Variants in ZDBF2 observed in about 807,000 individuals in gnomAD.
The protein encoded by ZDBF2 is DBF4-type zinc finger-containing protein 2.
Under a neutral mutation model 9.4 loss-of-function variants are expected in ZDBF2, and 6 were observed. That is an observed-to-expected ratio of 0.64 (90% confidence interval 0.35 to 1.27). The LOEUF (loss-of-function observed/expected upper bound fraction) is 1.27, where lower values mean the gene tolerates loss of function less well. ZDBF2 is among the 50% of genes most tolerant of loss of function. The pLI, the probability that ZDBF2 is intolerant of heterozygous loss-of-function variation, is 0.03. For missense variants in ZDBF2, 2,697 were observed against 2,766.8 expected, an observed-to-expected ratio of 0.97 and a Z score of 0.57; for synonymous variants, 905 against 946.3, an observed-to-expected ratio of 0.96 and a Z score of 0.80.
Position 206,310,907 on chromosome 2 carries a change from C to A in ZDBF2, c.6379C>A (p.Leu2127Met). Reference protein sequence around the residue: ...NSHQGTSDSSLFLEESKVLHA... With the variant: ...NSHQGTSDSSMFLEESKVLHA... Reference sequence around the variant, plus strand: ...ACATCAGGGAACCAGTGACTCTTCTCTGTTTCTGGAAGAATCAAAGGTTCT... The same window carrying A: ...ACATCAGGGAACCAGTGACTCTTCTATGTTTCTGGAAGAATCAAAGGTTCT... The change falls in exon 5 of 5, where the codon CTG (leucine) becomes ATG (methionine). Residue 2127 changes from leucine to methionine, a missense_variant. Coordinates refer to ENST00000374423, the MANE Select transcript of ZDBF2 (RefSeq NM_020923.3). 6.2e-7 allele frequency: 1 copy of A among 1,613,896 alleles called. No individual in the cohort carries two copies. Among genetic ancestry groups the A allele is most frequent in the South Asian group, 1.1e-5 (1 of 91,058 alleles).
In ZDBF2 at chr2:206,308,434, GGC is replaced by G; in HGVS notation, c.3908_3909del (p.Ala1303GlufsTer2). ...AGTCCGTAACTAATAAAATTCCAGG[GGC>G]GAATAAAGAAATAAATCTTTTGAGG... ...LQSVTNKIPG[A>X]NKEINLLREE... is the part of the protein sequence containing the mutation. On this transcript the variant is annotated frameshift_variant, in exon 5 of 5. Transcript: ENST00000374423. LOFTEE classifies it low-confidence loss of function (END_TRUNC). 1 of 1,613,274 alleles carries G rather than the reference GGC, an allele frequency of 6.2e-7. No individual in the cohort carries two copies. Among genetic ancestry groups the G allele is most frequent in the Non-Finnish European group, 8.5e-7 (1 of 1,179,612 alleles).
chr2:206,296,844 C>T (rs1430222088), intron 3 of ZDBF2, among the ~76,000 whole-genome samples: 1 of 152,134 alleles, frequency 6.6e-6, no homozygotes, highest in Non-Finnish European at 1.5e-5. Flanking sequence ...CTACCACACT[C>T]ATTTTTTCTT....
rs577685771 is a variant in ZDBF2 at position 206,314,246 on chromosome 2, T to G, written c.*2653T>G. 47 of 146,332 alleles carry G rather than the reference T, an allele frequency of 3.2e-4. No homozygotes were observed. The highest frequency in any genetic ancestry group is 6.3e-4 in the Non-Finnish European group (42 of 66,746). The allele number at this position is 146,332 out of a possible 1,614,324, so 9.1% of individuals were successfully genotyped here. ...TGTGCATTTAAATTATTTATGTAACTAGGGCTGTGAGTAACACTTTTTTTT... is the reference window on the plus strand; with the variant it reads ...TGTGCATTTAAATTATTTATGTAACGAGGGCTGTGAGTAACACTTTTTTTT... On this transcript the variant is annotated 3_prime_UTR_variant, in exon 5 of 5. Transcript: ENST00000374423.
chr2:206,291,528 G>A (rs1372284846), intron 3 of ZDBF2, among the ~76,000 whole-genome samples: 1 of 152,076 alleles, frequency 6.6e-6, no homozygotes, highest in African/African-American at 2.4e-5. Context: ...TTATAAGGCC[G>A]CCAATCCTAT....
Position 206,281,830 on chromosome 2 carries a change from A to C in ZDBF2, c.-20A>C. ...AGTATTCAAAGACAGTAGCCATCTG[A>C]CTTCAGTTATTTATTCAAGATGCAG... On this transcript the variant is annotated 5_prime_UTR_variant, in exon 3 of 5. Coordinates refer to ENST00000374423, the MANE Select transcript of ZDBF2 (RefSeq NM_020923.3). 1 of 1,610,924 alleles carries C rather than the reference A, an allele frequency of 6.2e-7. No homozygotes were observed. Among genetic ancestry groups the C allele is most frequent in the African/African-American group, 1.3e-5 (1 of 74,882 alleles).
Position 206,308,828 on chromosome 2 carries a change from T to C in ZDBF2, c.4300T>C (p.Leu1434=). 6.2e-7 allele frequency: 1 copy of C among 1,613,772 alleles called. No individual in the cohort carries two copies. Among genetic ancestry groups the C allele is most frequent in the Non-Finnish European group, 8.5e-7 (1 of 1,179,816 alleles). The change falls in exon 5 of 5, where the codon TTG becomes CTG. Residue 1434 remains leucine, a synonymous_variant. Coordinates refer to ENST00000374423, the MANE Select transcript of ZDBF2 (RefSeq NM_020923.3). ...QSSVPVKEIN[L]QKKDHNDLEN... is the part of the protein sequence containing the mutation. Reference sequence around the variant, plus strand: ...TTCTGTACCTGTCAAAGAAATAAACTTGCAAAAGAAGGATCATAATGATCT... The same window carrying C: ...TTCTGTACCTGTCAAAGAAATAAACCTGCAAAAGAAGGATCATAATGATCT...
At chr2:206,303,727 C>T (rs1692621362) in intron 4 of ZDBF2, among the ~76,000 whole-genome samples, 1 of 152,172 alleles carries the variant, frequency 6.6e-6, no homozygotes, top group African/African-American at 2.4e-5. Flanking sequence ...ACACTTGACA[C>T]CTCTAGACTT....
Position 206,306,316 on chromosome 2 carries a change from C to G in ZDBF2, c.1788C>G (p.Pro596=). 1 of 1,613,656 alleles carries G rather than the reference C, an allele frequency of 6.2e-7. No homozygotes were observed. Among genetic ancestry groups the G allele is most frequent in the Non-Finnish European group, 8.5e-7 (1 of 1,179,792 alleles). ...CTCTTGAGTCAGTAGTTGATCATCC[C>G]CAACTGACTGTCAAAGGAAGAAACC... ...DVSLESVVDH[P]QLTVKGRNLK... The change falls in exon 5 of 5, where the codon CCC becomes CCG. Residue 596 remains proline, a synonymous_variant. Coordinates refer to ENST00000374423, the MANE Select transcript of ZDBF2 (RefSeq NM_020923.3).
chr2:206,314,353 G>A lies in ZDBF2; in HGVS notation c.*2760G>A, dbSNP rs1188809997. 1.4e-5 allele frequency: 2 copies of A among 145,310 alleles called. No homozygotes were observed. Among genetic ancestry groups the A allele is most frequent in the African/African-American group, 5.1e-5 (2 of 39,226 alleles). 9.0% of individuals were successfully genotyped at this position (145,310 alleles called of 1,614,324 possible). On this transcript the variant is annotated 3_prime_UTR_variant, in exon 5 of 5. Coordinates refer to ENST00000374423, the MANE Select transcript of ZDBF2 (RefSeq NM_020923.3). ...ATGTAAAACTAATGTGAAGACTAAT[G>A]TATTTTTTATATTGCAGTGTAAAAG...
At chr2:206,284,793 ATCTTGGCTCACTGCAACCTTCGCC>A (rs1276164690) in intron 3 of ZDBF2, among the ~76,000 whole-genome samples, 1 of 152,118 alleles carries the variant, frequency 6.6e-6, no homozygotes, top group Non-Finnish European at 1.5e-5. Flanking sequence ...CAGTGGCATG[ATCTTGGCTCACTGCAACCTTCGCC>A]TCTTGGGTTC....
intron 3 of ZDBF2, among the ~76,000 whole-genome samples, chr2:206,284,811 CT>C (rs1447590702): frequency 6.6e-6 from 1 of 152,174 alleles, no homozygotes; most frequent in Non-Finnish European, 1.5e-5. Context: ...TCACTGCAAC[CT>C]TCGCCTCTTG....
rs557830927 is a variant in ZDBF2 at position 206,292,946 on chromosome 2, A to G, written c.61-4300A>G. Among the ~76,000 whole-genome samples, 10 of 151,068 alleles carry G rather than the reference A, an allele frequency of 6.6e-5. No individual in the cohort carries two copies. In the South Asian group the frequency reaches 1.0e-3, roughly 16 times the overall value. On this transcript the variant is annotated intron_variant, in intron 3 of 4. Coordinates refer to ENST00000374423, the MANE Select transcript of ZDBF2 (RefSeq NM_020923.3). ...ATTTCAATCAAAATCTCAGAGAAGTATTTTTTTTTAATGAAAAGCCAATTC... is the reference window on the plus strand; with the variant it reads ...ATTTCAATCAAAATCTCAGAGAAGTGTTTTTTTTTAATGAAAAGCCAATTC...
chr2:206,302,433 A>G lies in ZDBF2; in HGVS notation c.189-2284A>G, dbSNP rs1574410869. ...ATTGTTAAGCATATTATACACACAC[A>G]AATACAGATGCAGATCAAAGCATCC... On this transcript the variant is annotated intron_variant, in intron 4 of 4. Transcript: ENST00000374423. Among the ~76,000 whole-genome samples the G allele has an allele frequency of 2.0e-5, 3 of 152,346 alleles. No homozygotes were observed. In the East Asian group the frequency reaches 5.8e-4, roughly 29 times the overall value.
At chr2:206,279,993 C>T (rs1026619074) in intron 2 of ZDBF2, among the ~76,000 whole-genome samples, 1 of 152,134 alleles carries the variant, frequency 6.6e-6, no homozygotes, top group African/African-American at 2.4e-5. Flanking sequence ...TTAGTAGTGA[C>T]AGGTTTTTGC....
At chr2:206,295,790 C>T (rs976403023) in intron 3 of ZDBF2, among the ~76,000 whole-genome samples, 1 of 152,094 alleles carries the variant, frequency 6.6e-6, no homozygotes, top group Non-Finnish European at 1.5e-5. Flanking sequence ...GTGTTTGGTA[C>T]ATCATAGGTG....
At chr2:206,294,270 G>A (rs1335314956) in intron 3 of ZDBF2, among the ~76,000 whole-genome samples, 1 of 152,154 alleles carries the variant, frequency 6.6e-6, no homozygotes, top group Non-Finnish European at 1.5e-5. Flanking sequence ...CTGGATGCTT[G>A]TCAACTTTTT....
In ZDBF2 at chr2:206,274,887, C is replaced by T. The variant is rs1273817800; in HGVS notation, c.-162C>T. 3.3e-5 allele frequency: 5 copies of T among 152,010 alleles called. No homozygotes were observed. Among genetic ancestry groups the T allele is most frequent in the African/African-American group, 9.6e-5 (4 of 41,530 alleles). The allele number at this position is 152,010 out of a possible 1,614,324, so 9.4% of individuals were successfully genotyped here. A position where few individuals can be genotyped will look rare whatever the true frequency, so the allele number is the denominator to read the frequency against. On this transcript the variant is annotated 5_prime_UTR_variant, in exon 1 of 5. Coordinates refer to ENST00000374423, the MANE Select transcript of ZDBF2 (RefSeq NM_020923.3). ...GGAACCGGAATAAGAAGGGAGAGCG[C>T]CCGGCTCGGTCCTCGGTCTCCACCG...
At chr2:206,291,229 T>A (rs1691878546) in intron 3 of ZDBF2, among the ~76,000 whole-genome samples, 2 of 152,028 alleles carry the variant, frequency 1.3e-5, no homozygotes, top group African/African-American at 4.8e-5. Flanking sequence ...GGAGGGGTGG[T>A]TTTGGGATTT....
intron 1 of ZDBF2, among the ~76,000 whole-genome samples, chr2:206,275,581 A>T (rs1027708406): frequency 6.6e-6 from 1 of 152,170 alleles, no homozygotes; most frequent in Non-Finnish European, 1.5e-5. Flanking sequence ...ATCTCACGCG[A>T]TGATTCTTGG....
Sources: allele counts gnomAD v4.1 joint callset (sites outside exome capture counted in the v4.1 genomes callset), GRCh38; gene constraint gnomAD v4.1.1; transcripts MANE v1.5; gene names NCBI Gene and HGNC (gene_info 2026-07-23, HGNC 2026-07-21).